The following DNM2 variants were observed in gnomAD, a reference collection of about 807,000 sequenced individuals.
DNM2 encodes dynamin 2, also known as dynamin-2.
In DNM2, 15 loss-of-function variants were observed where a neutral mutation model predicts 99.0. That is an observed-to-expected ratio of 0.15 (90% CI 0.10 to 0.23). The LOEUF (loss-of-function observed/expected upper bound fraction) is 0.23. Ranked by LOEUF, DNM2 falls within the 10% of genes least tolerant of loss-of-function variation. The pLI is 1.00. For missense variants in DNM2, 742 were observed against 1,189.4 expected (o/e 0.62, Z 5.53); for synonymous variants, 525 against 481.2 (o/e 1.09, Z -1.19).
intron 3 of DNM2, among the ~76,000 whole-genome samples, chr19:10,774,438 T>G (rs2071082241): frequency 6.6e-6 from 1 of 152,240 alleles, no homozygotes; most frequent in Admixed American, 6.5e-5. Flanking sequence ...CACTTATGCT[T>G]TTTTTGAGAT....
Position 10,811,926 on chromosome 19 carries a change from T to C in DNM2, c.1558-338T>C, listed in dbSNP as rs1461760001. The C allele has an allele frequency of 2.2e-6, 1 of 456,204 alleles. No homozygotes were observed. 28.3% of individuals were successfully genotyped at this position (456,204 alleles called of 1,614,324 possible). On this transcript the variant is annotated intron_variant, in intron 14 of 20. Transcript: ENST00000389253. This position sits in a 1 kb window ranked among gnomAD's most constrained non-coding sequence, Gnocchi z 5.4. ...CCTTATCTCACGCAAACAAGTGCAGTTCCTCAGATGTCACATTTCATGTGC... is the reference window on the plus strand; with the variant it reads ...CCTTATCTCACGCAAACAAGTGCAGCTCCTCAGATGTCACATTTCATGTGC...
rs757494612 is a variant in DNM2 at position 10,746,727 on chromosome 19, G to GTTTTT, written c.162-13009_162-13005dup. Among the ~76,000 whole-genome samples, 37 of 116,208 alleles carry GTTTTT rather than the reference G, an allele frequency of 3.2e-4. 4 individuals carry two copies. Among genetic ancestry groups the GTTTTT allele is most frequent in the Non-Finnish European group, 3.5e-4 (21 of 60,018 alleles). 76.2% of individuals were successfully genotyped at this position (116,208 alleles called of 152,430 possible). A position where few individuals can be genotyped will look rare whatever the true frequency, so the allele number is the denominator to read the frequency against. ...GAGCAACCGTGCCGGCTTTTTTTTT[G>GTTTTT]TTTTTTGTTTTTTTTTTTTTTGAGA... On this transcript the variant is annotated intron_variant, in intron 1 of 20. Transcript: ENST00000389253.
At chr19:10,777,034 A>G (rs1003829857) in intron 4 of DNM2, 84 bp from the exon 5 acceptor site, 108 of 1,378,504 alleles carry the variant, frequency 7.8e-5, no homozygotes, top group Admixed American at 3.2e-4. Context: ...TTCAGGGCCA[A>G]CTGGACCCCA....
In DNM2 at chr19:10,827,187, T is replaced by C. The variant is rs73007592; in HGVS notation, c.2059-1849T>C. On this transcript the variant is annotated intron_variant, in intron 18 of 20. Coordinates refer to ENST00000389253, the MANE Select transcript of DNM2 (RefSeq NM_001005361.3). ...CACAGTTTCATGGTGTCCTGGTATG[T>C]TTCCTCATATACCGATAGGATCGGA... Among the ~76,000 whole-genome samples the C allele has an allele frequency of 5.6e-3, 856 of 152,282 alleles. 1 individual carries two copies. Among genetic ancestry groups the C allele is most frequent in the Non-Finnish European group, 8.7e-3 (595 of 68,026 alleles).
At chr19:10,782,134 G>A (rs1311339996) in intron 5 of DNM2, among the ~76,000 whole-genome samples, 1 of 152,048 alleles carries the variant, frequency 6.6e-6, no homozygotes, top group Non-Finnish European at 1.5e-5. Context: ...CCAGGCTCAG[G>A]TGATCCTCCC....
chr19:10,831,808 G>C lies in DNM2; in HGVS notation c.*761G>C, dbSNP rs2146216737. 1 of 988,234 alleles carries C rather than the reference G, an allele frequency of 1.0e-6. No homozygotes were observed. The allele number at this position is 988,234 out of a possible 1,614,324, so 61.2% of individuals were successfully genotyped here. On this transcript the variant is annotated 3_prime_UTR_variant, in exon 21 of 21. Coordinates refer to ENST00000389253, the MANE Select transcript of DNM2 (RefSeq NM_001005361.3). The surrounding 1 kb of genome is among the most constrained non-coding windows in gnomAD (Gnocchi z 4.3). ...GGGCCCAGGGCGGCCTCTCTCTGAGGAGACCTCACCCACTCCTCGCTCAGT... is the reference window on the plus strand; with the variant it reads ...GGGCCCAGGGCGGCCTCTCTCTGAGCAGACCTCACCCACTCCTCGCTCAGT...
intron 1 of DNM2, among the ~76,000 whole-genome samples, chr19:10,747,278 C>G (rs531862067): frequency 1.7e-4 from 26 of 152,240 alleles, no homozygotes; most frequent in Admixed American, 1.0e-3. Flanking sequence ...TCCCACATAA[C>G]AGATTGGGAA....
Position 10,779,502 on chromosome 19 carries a change from C to CTTTTTTTTTTTTTTTTTT in DNM2, c.688+2294_688+2311dup, listed in dbSNP as rs55819116. On this transcript the variant is annotated intron_variant, in intron 5 of 20. Coordinates refer to ENST00000389253, the MANE Select transcript of DNM2 (RefSeq NM_001005361.3). ...TCTTTCTTTCTTTCTTTCTTTCTTT[C>CTTTTTTTTTTTTTTTTTT]TTTTTTTTTTTTTTTTTTTTTTTTT... Among the ~76,000 whole-genome samples, 14 of 29,600 alleles carry CTTTTTTTTTTTTTTTTTT rather than the reference C, an allele frequency of 4.7e-4. 4 individuals carry two copies. The highest frequency in any genetic ancestry group is 2.3e-3 in the East Asian group (2 of 884). The allele number at this position is 29,600 out of a possible 152,430, so 19.4% of individuals were successfully genotyped here.
intron 1 of DNM2, among the ~76,000 whole-genome samples, chr19:10,736,622 G>GTTTT (rs1478949364): frequency 2.0e-5 from 3 of 151,794 alleles, no homozygotes; most frequent in Non-Finnish European, 4.4e-5. Context: ...TTGTTTGTTT[G>GTTTT]TTTAGACAAA....
chr19:10,734,769 C>T (rs2069464387), intron 1 of DNM2, among the ~76,000 whole-genome samples: 1 of 147,634 alleles, frequency 6.8e-6, no homozygotes, highest in Non-Finnish European at 1.5e-5. Context: ...TGGAAGTATA[C>T]ATACTGAGAA....
At chr19:10,823,309 GC>G (rs1439402946) in intron 16 of DNM2, 2 of 151,936 alleles carry the variant, frequency 1.3e-5, no homozygotes, top group Non-Finnish European at 2.9e-5. Flanking sequence ...GGAGGCTGAG[GC>G]AGGAGAATCG....
chr19:10,755,790 A>G (rs907248203), intron 1 of DNM2, among the ~76,000 whole-genome samples: 1 of 151,860 alleles, frequency 6.6e-6, no homozygotes, highest in Admixed American at 6.6e-5. Flanking sequence ...TAGCCTCCCG[A>G]GTGGCTGGGA....
chr19:10,749,009 C>T (rs1017123447), intron 1 of DNM2, among the ~76,000 whole-genome samples: 1 of 152,216 alleles, frequency 6.6e-6, no homozygotes, highest in Non-Finnish European at 1.5e-5. Context: ...CTCCCAGCCA[C>T]ATTCAGGCTC....
chr19:10,718,237 G>C lies in DNM2; in HGVS notation c.-6G>C, dbSNP rs756994905. The C allele has an allele frequency of 1.4e-6, 2 of 1,468,454 alleles. No individual in the cohort carries two copies. Among genetic ancestry groups the C allele is most frequent in the Non-Finnish European group, 1.8e-6 (2 of 1,107,132 alleles). The allele number at this position is 1,468,454 out of a possible 1,614,324, so 91.0% of individuals were successfully genotyped here. A position where few individuals can be genotyped will look rare whatever the true frequency, so the allele number is the denominator to read the frequency against. On this transcript the variant is annotated 5_prime_UTR_variant, in exon 1 of 21. Coordinates refer to ENST00000389253, the MANE Select transcript of DNM2 (RefSeq NM_001005361.3). Reference sequence around the variant, plus strand: ...CAGGGCGCTCGGGCCGGGGGCCGCCGGCGCCATGGGCAACCGCGGGATGGA... The same window carrying C: ...CAGGGCGCTCGGGCCGGGGGCCGCCCGCGCCATGGGCAACCGCGGGATGGA...
intron 1 of DNM2, 75 bp from the exon 2 acceptor site, chr19:10,759,663 C>T (rs1047843180): frequency 6.3e-6 from 10 of 1,582,176 alleles, no homozygotes; most frequent in Admixed American, 5.0e-5. Context: ...AGAGTTGCTC[C>T]ACCACATGTG....
intron 2 of DNM2, among the ~76,000 whole-genome samples, chr19:10,768,235 C>T (rs1048274598): frequency 6.6e-6 from 1 of 152,064 alleles, no homozygotes; most frequent in African/African-American, 2.4e-5. Context: ...GGGTAGATCA[C>T]GAGGTCAGGA....
At position 10,772,269 on chromosome 19, in the gene DNM2, C is replaced by T. The variant is rs183248649; in HGVS notation, c.236-210C>T. ...TAATTTTTTGTATTTTTAGTAGAGA[C>T]AGGGTTTCACCATGTTAGTGAGGAT... On this transcript the variant is annotated intron_variant, in intron 2 of 20. Transcript: ENST00000389253. The surrounding 1 kb of genome is among the most constrained non-coding windows in gnomAD (Gnocchi z 4.9). 5.3e-5 allele frequency among the ~76,000 whole-genome samples: 8 copies of T among 152,008 alleles called. No homozygotes were observed. The East Asian group carries it at 1.5e-3, about 29-fold the overall frequency.
intron 18 of DNM2, among the ~76,000 whole-genome samples, chr19:10,825,898 G>T (rs113704685): frequency 1.4e-3 from 210 of 151,068 alleles, no homozygotes; most frequent in African/African-American, 4.8e-3. Context: ...AGGCACCCTA[G>T]GCCATACCTG....
Position 10,797,535 on chromosome 19 carries a change from TC to T in DNM2, c.1335+18del, listed in dbSNP as rs771865857. 6 of 1,613,940 alleles carry T rather than the reference TC, an allele frequency of 3.7e-6. No homozygotes were observed. The highest frequency in any genetic ancestry group is 5.1e-6 in the Non-Finnish European group (6 of 1,179,950). ...GCCGAGAAGGTAACAGGTTTTGTTC[TC>T]ATCTCCGCATTTGTCCCCGTCCTCC... is the stretch of plus-strand genomic sequence containing the variant. On this transcript the variant is annotated intron_variant, in intron 10 of 20. Coordinates refer to ENST00000389253, the MANE Select transcript of DNM2 (RefSeq NM_001005361.3).
Sources: allele counts gnomAD v4.1 joint callset (sites outside exome capture counted in the v4.1 genomes callset), GRCh38; gene constraint gnomAD v4.1.1; non-coding constraint Gnocchi (gnomAD v3.1); transcripts MANE v1.5; gene names NCBI Gene and HGNC (gene_info 2026-07-23, HGNC 2026-07-21).